The following CREB3L2 variants were observed in gnomAD, a reference collection of about 807,000 sequenced individuals.
The protein encoded by CREB3L2 is cyclic AMP-responsive element-binding protein 3-like protein 2.
Under a neutral mutation model 57.2 loss-of-function variants are expected in CREB3L2, and 23 were observed. The observed-to-expected ratio is 0.40, with a 90% CI of 0.29 to 0.57. CREB3L2 has a LOEUF of 0.57. CREB3L2 is among the 20% of genes least tolerant of loss of function. The pLI, the probability that CREB3L2 is intolerant of heterozygous loss-of-function variation, is 0.42. For missense variants in CREB3L2, 628 were observed against 634.7 expected (o/e 0.99, Z 0.11); for synonymous variants, 268 against 265.1 (o/e 1.01, Z -0.11).
At position 137,908,513 on chromosome 7, in the gene CREB3L2, A is replaced by G. The variant is rs150575744; in HGVS notation, c.584-77T>C. The G allele has an allele frequency of 1.2e-4, 132 of 1,098,370 alleles. No individual in the cohort carries two copies. In the East Asian group the frequency reaches 2.3e-3, roughly 19 times the overall value. 68.0% of individuals were successfully genotyped at this position (1,098,370 alleles called of 1,614,324 possible). A position where few individuals can be genotyped will look rare whatever the true frequency, so the allele number is the denominator to read the frequency against. On this transcript the variant is annotated intron_variant, in intron 4 of 11. Transcript: ENST00000330387. ...CAACTGATTTGTGGCATAGCAAACT[A>G]AAGTGTGAGGGGCCTCCATGAGCTG...
chr7:137,903,486 CAA>C (rs540418348), intron 7 of CREB3L2, among the ~76,000 whole-genome samples: 4 of 133,966 alleles, frequency 3.0e-5, no homozygotes, highest in African/African-American at 2.7e-5. Flanking sequence ...AGTGTTTTTG[CAA>C]AAAAAAAAAA....
At chr7:137,899,103 AGG>A (rs1799691918) in intron 8 of CREB3L2, among the ~76,000 whole-genome samples, 2 of 31,628 alleles carry the variant, frequency 6.3e-5, no homozygotes, top group East Asian at 1.2e-3. Context: ...AAGAGAAGGA[AGG>A]AAGGAAGGAA....
chr7:137,898,263 G>A (rs144575730), intron 8 of CREB3L2, among the ~76,000 whole-genome samples: 1 of 152,304 alleles, frequency 6.6e-6, no homozygotes, highest in East Asian at 1.9e-4. Context: ...GGCGCGAAAA[G>A]TGTTGGCAAT....
intron 8 of CREB3L2, 75 bp downstream of exon 8, chr7:137,901,279 G>A: frequency 1.0e-6 from 1 of 984,226 alleles, no homozygotes; most frequent in African/African-American, 1.6e-5. Flanking sequence ...TGCCATCCCT[G>A]GTTCTGGATT....
intron 1 of CREB3L2, chr7:137,956,653 A>C: frequency 7.8e-7 from 1 of 1,286,142 alleles, no homozygotes. Flanking sequence ...CAGGTAAGCC[A>C]TATTGAAACA....
In CREB3L2 at chr7:137,931,643, C is replaced by A. The variant is rs181662127; in HGVS notation, c.103-3277G>T. ...GGTCAGGAGTTCGAGGCTGGCCTGG[C>A]CAACATGGTGAAACTCCATCTCTAC... On this transcript the variant is annotated intron_variant, in intron 1 of 11. Transcript: ENST00000330387. Among the ~76,000 whole-genome samples the A allele has an allele frequency of 1.8e-3, 272 of 151,802 alleles. 2 individuals carry two copies. Among genetic ancestry groups the A allele is most frequent in the Non-Finnish European group, 3.4e-3 (231 of 67,970 alleles).
At chr7:137,958,294 G>C (rs915561160) in intron 1 of CREB3L2, among the ~76,000 whole-genome samples, 8 of 152,130 alleles carry the variant, frequency 5.3e-5, no homozygotes, top group Admixed American at 2.0e-4. Context: ...TTTGCGACTT[G>C]GAGACAAACC....
intron 1 of CREB3L2, among the ~76,000 whole-genome samples, chr7:137,972,707 A>AAAAAAAAAAAAAAAAAAAAAAC (rs1801531697): frequency 2.3e-5 from 1 of 44,238 alleles, no homozygotes; most frequent in Admixed American, 2.7e-4. Flanking sequence ...AAAAAAAAAA[A>AAAAAAAAAAAAAAAAAAAAAAC]AAAAAATATA....
chr7:137,946,880 C>CTATATAGTTATA (rs1422069826), intron 1 of CREB3L2, among the ~76,000 whole-genome samples: 8 of 34,044 alleles, frequency 2.3e-4, no homozygotes, highest in African/African-American at 6.2e-4. Context: ...ATATAGTTAT[C>CTATATAGTTATA]TATATAGTTA....
At chr7:137,962,615 C>G (rs1801344444) in intron 1 of CREB3L2, among the ~76,000 whole-genome samples, 1 of 152,086 alleles carries the variant, frequency 6.6e-6, no homozygotes, top group Admixed American at 6.5e-5. Context: ...TCCCCACCAC[C>G]CTGTGTAAGC....
intron 8 of CREB3L2, among the ~76,000 whole-genome samples, chr7:137,897,106 GA>G (rs1044649828): frequency 4.0e-5 from 6 of 151,416 alleles, no homozygotes; most frequent in Non-Finnish European, 5.9e-5. Flanking sequence ...AAAAGAAAAA[GA>G]AAAAAAAGGT....
At chr7:137,998,575 A>G (rs1003168023) in intron 1 of CREB3L2, among the ~76,000 whole-genome samples, 5 of 152,236 alleles carry the variant, frequency 3.3e-5, no homozygotes, top group African/African-American at 1.2e-4. Context: ...TCCTGGTTCT[A>G]TCACTAAATA....
intron 1 of CREB3L2, among the ~76,000 whole-genome samples, chr7:137,968,749 T>C (rs1483315175): frequency 6.6e-6 from 1 of 152,132 alleles, no homozygotes; most frequent in Non-Finnish European, 1.5e-5. Flanking sequence ...CAGTCCCCAG[T>C]ATACCATCAG....
chr7:137,936,452 CGT>C (rs1800787907), intron 1 of CREB3L2, among the ~76,000 whole-genome samples: 1 of 152,028 alleles, frequency 6.6e-6, no homozygotes, highest in African/African-American at 2.4e-5. Context: ...TGTGTGTGTG[CGT>C]GTGTGCATGT....
In CREB3L2 at chr7:137,876,307, G is replaced by C; in HGVS notation, c.*4169C>G. 1 of 231,578 alleles carries C rather than the reference G, an allele frequency of 4.3e-6. No individual in the cohort carries two copies. The highest frequency in any genetic ancestry group is 8.5e-6 in the Non-Finnish European group (1 of 117,486). The allele number at this position is 231,578 out of a possible 1,614,324, so 14.3% of individuals were successfully genotyped here. On this transcript the variant is annotated 3_prime_UTR_variant, in exon 12 of 12. Transcript: ENST00000330387. The stretch of plus-strand genomic sequence containing the variant: ...TATAAGGCACATTTAAGGCACAAAT[G>C]AGCATGTAAGGGAGGAATGTGCACG...
At chr7:137,974,178 G>A (rs1801565754) in intron 1 of CREB3L2, among the ~76,000 whole-genome samples, 1 of 152,170 alleles carries the variant, frequency 6.6e-6, no homozygotes, top group South Asian at 2.1e-4. Context: ...GTACAACGGT[G>A]ATGAAAAGCA....
At chr7:137,974,407 C>T (rs949017778) in intron 1 of CREB3L2, among the ~76,000 whole-genome samples, 4 of 152,116 alleles carry the variant, frequency 2.6e-5, no homozygotes, top group African/African-American at 4.8e-5. Flanking sequence ...CAGGACCAAC[C>T]GGCATGTACA....
In CREB3L2 at chr7:137,905,863, G is replaced by T. The variant is rs201836971; in HGVS notation, c.769-15C>A. 1.9e-6 allele frequency: 3 copies of T among 1,583,546 alleles called. No homozygotes were observed. ...CCCTGCAGTTTCTGTGCAGACCAAG[G>T]AGCAGAAAAGGGTCAAAGAAAAAGA... On this transcript the variant is annotated splice_polypyrimidine_tract_variant and intron_variant, in intron 5 of 11. Transcript: ENST00000330387.
At chr7:137,970,777 G>A (rs971824155) in intron 1 of CREB3L2, among the ~76,000 whole-genome samples, 7 of 152,186 alleles carry the variant, frequency 4.6e-5, no homozygotes, top group Admixed American at 3.9e-4. Context: ...GACAGCAGGC[G>A]TGGGGCCAGC....
Sources: allele counts gnomAD v4.1 joint callset (sites outside exome capture counted in the v4.1 genomes callset), GRCh38; gene constraint gnomAD v4.1.1; transcripts MANE v1.5; gene names NCBI Gene and HGNC (gene_info 2026-07-23, HGNC 2026-07-21).